MIIP: variants seen among roughly 807,000 people sequenced by gnomAD.
MIIP encodes migration and invasion inhibitory protein.
In MIIP, 44 loss-of-function variants were observed where a neutral mutation model predicts 44.8. The observed-to-expected ratio is 0.98, with a 90% confidence interval of 0.77 to 1.26. The LOEUF is 1.26. Ranked by LOEUF, MIIP falls within the 50% of genes most tolerant of loss-of-function variation. The pLI is 0.00. For missense variants in MIIP, 496 were observed against 511.7 expected (o/e 0.97, Z 0.30); for synonymous variants, 225 against 218.3 (o/e 1.03, Z -0.27).
At chr1:12,021,160 C>T (rs1046288271) in intron 1 of MIIP, among the ~76,000 whole-genome samples, 3 of 151,896 alleles carry the variant, frequency 2.0e-5, no homozygotes, top group South Asian at 2.1e-4. Flanking sequence ...TTTGGGAGAC[C>T]GAGGCAGGCG....
intron 1 of MIIP, among the ~76,000 whole-genome samples, chr1:12,021,260 G>A (rs1369565321): frequency 6.6e-6 from 1 of 151,950 alleles, no homozygotes; most frequent in East Asian, 1.9e-4. Context: ...TGGGCGTGGT[G>A]GCAGGCGCCT....
intron 4 of MIIP, among the ~76,000 whole-genome samples, chr1:12,024,936 A>G (rs1381554080): frequency 6.6e-6 from 1 of 151,658 alleles, no homozygotes; most frequent in African/African-American, 2.4e-5. Context: ...AAGTGAAATC[A>G]TATAGCCTTT....
chr1:12,023,728 A>C (rs1238208317), intron 4 of MIIP, among the ~76,000 whole-genome samples: 1 of 145,762 alleles, frequency 6.9e-6, no homozygotes, highest in Non-Finnish European at 1.5e-5. Context: ...GGGCACGGTG[A>C]CTCACACCTG....
At chr1:12,021,590 C>A in intron 1 of MIIP, 55 bp from the exon 2 acceptor site, 1 of 693,960 alleles carries the variant, frequency 1.4e-6, no homozygotes, top group Non-Finnish European at 2.5e-6. Flanking sequence ...GAATGGGGGT[C>A]TCTGGCACCA....
At chr1:12,020,258 A>G (rs1639942797) in intron 1 of MIIP, among the ~76,000 whole-genome samples, 1 of 152,174 alleles carries the variant, frequency 6.6e-6, no homozygotes, top group Admixed American at 6.5e-5. Flanking sequence ...GTAAAAAGAA[A>G]GTGAAGGAGG....
intron 4 of MIIP, among the ~76,000 whole-genome samples, chr1:12,024,847 T>C (rs1171285181): frequency 6.6e-6 from 1 of 152,114 alleles, no homozygotes; most frequent in African/African-American, 2.4e-5. Context: ...ATTACTCCCA[T>C]TCCCCCTCCC....
At chr1:12,023,615 G>T (rs937199728) in intron 4 of MIIP, among the ~76,000 whole-genome samples, 4 of 148,880 alleles carry the variant, frequency 2.7e-5, no homozygotes, top group Non-Finnish European at 5.9e-5. Flanking sequence ...GGATTTCACC[G>T]TGTTAGCTCG....
Position 12,029,897 on chromosome 1 carries a change from G to T in MIIP, c.845+3G>T, listed in dbSNP as rs1640196055. ...CTGGCGCAGCCAGCGCACGTCAGGT[G>T]AGTGACCAGAGTATTGGGACACCTT... On this transcript the variant is annotated splice_donor_region_variant and intron_variant, in intron 7 of 9. Coordinates refer to ENST00000235332, the MANE Select transcript of MIIP (RefSeq NM_021933.4). 6.2e-7 allele frequency: 1 copy of T among 1,612,528 alleles called. No homozygotes were observed. The highest frequency in any genetic ancestry group is 1.3e-5 in the African/African-American group (1 of 75,002).
At chr1:12,019,714 A>C (rs538790447) in intron 1 of MIIP, among the ~76,000 whole-genome samples, 162 bp downstream of exon 1, 12 of 152,320 alleles carry the variant, frequency 7.9e-5, no homozygotes, top group African/African-American at 2.6e-4. Flanking sequence ...GCCCTCTGTT[A>C]CTTCTGCGGC....
chr1:12,021,895 G>C, intron 2 of MIIP, 55 bp downstream of exon 2: 1 of 1,438,912 alleles, frequency 6.9e-7, no homozygotes, highest in African/African-American at 1.4e-5. Flanking sequence ...CTTCAGGCCA[G>C]CATCCAGGCT....
In MIIP at chr1:12,031,764, G is replaced by A. The variant is rs752257101; in HGVS notation, c.1123G>A (p.Val375Met). ...QMLPPTPTWS[V>M]PQVPRPHVPR... is the part of the protein sequence containing the mutation. ...GCTGCCCCCGACCCCGACCTGGTCA[G>A]TGCCCCAGGTCCCTCGGCCCCACGT... The change falls in exon 10 of 10, where the codon GTG becomes ATG. Residue 375 changes from valine (V) to methionine (M), a missense_variant. Coordinates refer to ENST00000235332, the MANE Select transcript of MIIP (RefSeq NM_021933.4). The A allele has an allele frequency of 4.3e-6, 7 of 1,614,020 alleles. No homozygotes were observed. Among genetic ancestry groups the A allele is most frequent in the Non-Finnish European group, 5.9e-6 (7 of 1,179,956 alleles).
At chr1:12,028,971 G>A (rs1569929233) in intron 4 of MIIP, 62 bp from the exon 5 acceptor site, 1 of 1,382,746 alleles carries the variant, frequency 7.2e-7, no homozygotes, top group East Asian at 2.3e-5. Flanking sequence ...GCCTTGGCCG[G>A]TGGCCACACA....
chr1:12,031,477 G>A, intron 9 of MIIP, 74 bp downstream of exon 9: 1 of 1,572,258 alleles, frequency 6.4e-7, no homozygotes, highest in Non-Finnish European at 8.6e-7. Flanking sequence ...CCTGGGGACT[G>A]CAGAGCCTCC....
In MIIP at chr1:12,022,835, C is replaced by T; in HGVS notation, c.465C>T (p.Pro155=). ...ILAQQSKLSK[P]RVTFSEESAV... Reference sequence around the variant, plus strand: ...TCCCTCTGTGCTTCCTTCCTCAGCCCAGGGTGACCTTCTCTGAGGAGTCTG... The same window carrying T: ...TCCCTCTGTGCTTCCTTCCTCAGCCTAGGGTGACCTTCTCTGAGGAGTCTG... Residue 155 remains proline (P), a splice_region_variant and synonymous_variant, in exon 4 of 10, where the codon CCC becomes CCT. Coordinates refer to ENST00000235332, the MANE Select transcript of MIIP (RefSeq NM_021933.4). The T allele has an allele frequency of 6.2e-7, 1 of 1,603,098 alleles. No individual in the cohort carries two copies. Among genetic ancestry groups the T allele is most frequent in the Admixed American group, 1.7e-5 (1 of 58,766 alleles).
chr1:12,028,855 AAACC>A, intron 4 of MIIP, 174 bp from the exon 5 acceptor site: 1 of 602,894 alleles, frequency 1.7e-6, no homozygotes, highest in Non-Finnish European at 3.0e-6. Flanking sequence ...ACAGACACTG[AAACC>A]AACCAACAGT....
At chr1:12,025,291 C>G (rs1640084051) in intron 4 of MIIP, among the ~76,000 whole-genome samples, 2 of 151,998 alleles carry the variant, frequency 1.3e-5, no homozygotes, top group African/African-American at 2.4e-5. Flanking sequence ...AACTCCTGCA[C>G]TCAAGTGATT....
At position 12,031,827 on chromosome 1, in the gene MIIP, G is replaced by T. The variant is rs776444386; in HGVS notation, c.*19G>T. ...GCCCTGAGGACTGACTCCTGGGGGAGAACAGCATTCCCGCCGCCTCCAGCC... is the reference window on the plus strand; with the variant it reads ...GCCCTGAGGACTGACTCCTGGGGGATAACAGCATTCCCGCCGCCTCCAGCC... On this transcript the variant is annotated 3_prime_UTR_variant, in exon 10 of 10. Coordinates refer to ENST00000235332, the MANE Select transcript of MIIP (RefSeq NM_021933.4). The T allele has an allele frequency of 4.3e-6, 7 of 1,609,554 alleles. No homozygotes were observed. The highest frequency in any genetic ancestry group is 5.1e-6 in the Non-Finnish European group (6 of 1,176,506).
rs548083426 is a variant in MIIP at position 12,022,839 on chromosome 1, G to A, written c.469G>A (p.Val157Met). ...TCTGTGCTTCCTTCCTCAGCCCAGG[G>A]TGACCTTCTCTGAGGAGTCTGCAGT... is the stretch of plus-strand genomic sequence containing the variant. ...AQQSKLSKPR[V>M]TFSEESAVPK... The change falls in exon 4 of 10, where the codon GTG becomes ATG. Residue 157 changes from valine to methionine, a missense_variant. Physicochemically the swap from Val to Met is conservative, Grantham distance 21. Coordinates refer to ENST00000235332, the MANE Select transcript of MIIP (RefSeq NM_021933.4). 6.2e-7 allele frequency: 1 copy of A among 1,604,238 alleles called. No individual in the cohort carries two copies. The highest frequency in any genetic ancestry group is 1.1e-5 in the South Asian group (1 of 89,148).
chr1:12,031,657 C>T, intron 9 of MIIP, 65 bp from the exon 10 acceptor site: 5 of 1,613,712 alleles, frequency 3.1e-6, no homozygotes, highest in Non-Finnish European at 4.2e-6. Context: ...GGGAATGTGG[C>T]TGGAACTGGG....
Sources: allele counts gnomAD v4.1 joint callset (sites outside exome capture counted in the v4.1 genomes callset), GRCh38; gene constraint gnomAD v4.1.1; transcripts MANE v1.5; gene names NCBI Gene and HGNC (gene_info 2026-07-23, HGNC 2026-07-21).